The following PATJ variants were observed in gnomAD, a reference collection of about 807,000 sequenced individuals.
The protein encoded by PATJ is PATJ crumbs cell polarity complex component, also known as inaD-like protein.
Under a neutral mutation model 224.9 loss-of-function variants are expected in PATJ, and 190 were observed. The observed-to-expected ratio is 0.84, with a 90% CI of 0.75 to 0.95. The LOEUF (loss-of-function observed/expected upper bound fraction) is 0.95, where lower values mean the gene tolerates loss of function less well. PATJ is among the 40% of genes least tolerant of loss of function. PATJ has a pLI of 0.00. For missense variants in PATJ, 2,121 were observed against 2,270.3 expected (o/e 0.93, Z 1.34); for synonymous variants, 769 against 820.3 (o/e 0.94, Z 1.07).
chr1:62,021,317 C>T (rs545888405), intron 29 of PATJ, among the ~76,000 whole-genome samples: 17 of 152,238 alleles, frequency 1.1e-4, no homozygotes, highest in Admixed American at 2.0e-4. Flanking sequence ...ACTCTCATGA[C>T]GTAAACACCT....
intron 28 of PATJ, among the ~76,000 whole-genome samples, chr1:62,009,944 G>A (rs1263543976): frequency 6.6e-6 from 1 of 151,710 alleles, no homozygotes; most frequent in East Asian, 1.9e-4. Context: ...TTAGCCTAGT[G>A]TGGTGGTGGG....
intron 29 of PATJ, among the ~76,000 whole-genome samples, chr1:62,030,373 A>G (rs1207533680): frequency 6.6e-6 from 1 of 152,196 alleles, no homozygotes; most frequent in Non-Finnish European, 1.5e-5. Context: ...TTAAAGGTTG[A>G]GAAACCAGGG....
At chr1:61,768,313 C>A (rs1021907096) in intron 4 of PATJ, among the ~76,000 whole-genome samples, 5 of 151,524 alleles carry the variant, frequency 3.3e-5, no homozygotes, top group Non-Finnish European at 7.4e-5. Context: ...ACTAAAAATA[C>A]AAAAAAATTA....
chr1:61,959,994 G>A (rs1681040936), intron 27 of PATJ, among the ~76,000 whole-genome samples: 1 of 151,974 alleles, frequency 6.6e-6, no homozygotes, highest in Non-Finnish European at 1.5e-5. Flanking sequence ...CTGCACCCTA[G>A]CATGGACAAC....
intron 7 of PATJ, among the ~76,000 whole-genome samples, chr1:61,777,703 C>CTTTTTTTTTTTTTTTTTTTTTTTTTTTTT (rs66470863): frequency 5.1e-4 from 25 of 48,740 alleles, no homozygotes; most frequent in African/African-American, 1.6e-3. Flanking sequence ...TTCTTTCTTT[C>CTTTTTTTTTTTTTTTTTTTTTTTTTTTTT]TTTTTTTTTT....
intron 41 of PATJ, among the ~76,000 whole-genome samples, chr1:62,138,433 T>C (rs1434545443): frequency 6.6e-6 from 1 of 151,942 alleles, no homozygotes; most frequent in East Asian, 1.9e-4. Context: ...TCAGCCTCCC[T>C]AGTAACTGGG....
intron 31 of PATJ, among the ~76,000 whole-genome samples, chr1:62,052,438 CT>C (rs1197926020): frequency 7.9e-6 from 1 of 126,796 alleles, no homozygotes; most frequent in East Asian, 2.1e-4. Context: ...CAGAGATTGA[CT>C]AAAAAAAAAA....
At chr1:61,923,710 G>C (rs1462832846) in intron 26 of PATJ, among the ~76,000 whole-genome samples, 1 of 151,422 alleles carries the variant, frequency 6.6e-6, no homozygotes, top group Non-Finnish European at 1.5e-5. Flanking sequence ...CTGAGGCCAG[G>C]AGTTTGAGAC....
At chr1:62,130,783 A>G (rs549430577) in intron 41 of PATJ, among the ~76,000 whole-genome samples, 14 of 152,180 alleles carry the variant, frequency 9.2e-5, no homozygotes, top group Middle Eastern at 3.4e-3. Flanking sequence ...CCTGGGAGGC[A>G]GAGCTTGCAG....
intron 12 of PATJ, 50 bp downstream of exon 12, chr1:61,801,819 C>T (rs1481395811): frequency 2.6e-5 from 34 of 1,326,474 alleles, no homozygotes; most frequent in Non-Finnish European, 3.4e-5. Context: ...CATTTGTTAA[C>T]CATTTTCTGT....
chr1:61,949,542 C>T (rs1302424833), intron 27 of PATJ, among the ~76,000 whole-genome samples: 7 of 151,908 alleles, frequency 4.6e-5, no homozygotes, highest in Admixed American at 2.0e-4. Context: ...GAATCACATG[C>T]GTAAGAGAGT....
At chr1:61,810,749 C>A (rs969299697) in intron 14 of PATJ, among the ~76,000 whole-genome samples, 3 of 150,368 alleles carry the variant, frequency 2.0e-5, no homozygotes, top group Middle Eastern at 6.8e-3. Flanking sequence ...TAAATAAACC[C>A]AGTCTGTACT....
intron 28 of PATJ, among the ~76,000 whole-genome samples, chr1:62,007,167 A>G (rs1438646094): frequency 1.3e-5 from 2 of 152,212 alleles, no homozygotes; most frequent in Admixed American, 6.5e-5. Context: ...ATCCAGAGCT[A>G]CTATAATTTG....
intron 30 of PATJ, among the ~76,000 whole-genome samples, chr1:62,043,773 G>A (rs1483759592): frequency 6.6e-6 from 1 of 152,004 alleles, no homozygotes; most frequent in Non-Finnish European, 1.5e-5. Context: ...CTGTTGCCAG[G>A]CTGGAGTGCA....
In PATJ at chr1:62,086,228, A is replaced by ATGTGTGTGTGTGTGTGTGTGTGTG. The variant is rs145837024; in HGVS notation, c.4377+1595_4377+1596insGTGTGTGTGTGTGTGTGTGTGTGT. Among the ~76,000 whole-genome samples the ATGTGTGTGTGTGTGTGTGTGTGTG allele has an allele frequency of 2.2e-3, 336 of 150,328 alleles. No individual in the cohort carries two copies. The highest frequency in any genetic ancestry group is 6.8e-3 in the African/African-American group (274 of 40,310). On this transcript the variant is annotated intron_variant, in intron 33 of 43. Coordinates refer to ENST00000642238, the MANE Select transcript of PATJ (RefSeq NM_001350145.3). The surrounding 1 kb of genome is among the most constrained non-coding windows in gnomAD (Gnocchi z 4.0). Reference sequence around the variant, plus strand: ...TACTCAAGATGTGATTAATTAATGCATGTGTGTGTGTGTGTATGTGTGTGT... The same window carrying ATGTGTGTGTGTGTGTGTGTGTGTG: ...TACTCAAGATGTGATTAATTAATGCATGTGTGTGTGTGTGTGTGTGTGTGTGTGTGTGTGTGTGTATGTGTGTGT...
intron 27 of PATJ, among the ~76,000 whole-genome samples, chr1:61,961,414 A>G (rs1195284357): frequency 6.6e-6 from 1 of 152,194 alleles, no homozygotes; most frequent in Non-Finnish European, 1.5e-5. Context: ...CCCAGGGGCC[A>G]AAATGGATAT....
chr1:61,901,301 C>A lies in PATJ; in HGVS notation c.3223C>A (p.Pro1075Thr). The A allele has an allele frequency of 6.5e-7, 1 of 1,533,546 alleles. No individual in the cohort carries two copies. The highest frequency in any genetic ancestry group is 8.7e-7 in the Non-Finnish European group (1 of 1,151,330). 95.0% of individuals were successfully genotyped at this position (1,533,546 alleles called of 1,614,324 possible). A position where few individuals can be genotyped will look rare whatever the true frequency, so the allele number is the denominator to read the frequency against. ...ATATAGTGTTGAGATTTTTAGAGAA[C>A]CCAATGTGTCTCTTGGGATCAGTAT... ...PPRIVEIFRE[P>T]NVSLGISIVG... Residue 1075 changes from proline (P) to threonine (T), a missense_variant, in exon 24 of 44, where the codon CCC (proline) becomes ACC (threonine). Physicochemically the swap from Pro to Thr is conservative, Grantham distance 38 (BLOSUM62 -1). Coordinates refer to ENST00000642238, the MANE Select transcript of PATJ (RefSeq NM_001350145.3).
chr1:61,997,092 T>TC (rs33999542), intron 28 of PATJ, among the ~76,000 whole-genome samples: 32,357 of 151,992 alleles, frequency 0.21, 3,618 homozygotes, highest in African/African-American at 0.26. Context: ...GATCAAGTGT[T>TC]CGATTGTAGC....
chr1:62,076,856 G>A (rs182199865), intron 31 of PATJ, among the ~76,000 whole-genome samples: 12 of 152,284 alleles, frequency 7.9e-5, no homozygotes, highest in Admixed American at 1.3e-4. Flanking sequence ...GATATAAAAT[G>A]TAAGTTGGAG....
Sources: allele counts gnomAD v4.1 joint callset (sites outside exome capture counted in the v4.1 genomes callset), GRCh38; gene constraint gnomAD v4.1.1; non-coding constraint Gnocchi (gnomAD v3.1); transcripts MANE v1.5; gene names NCBI Gene and HGNC (gene_info 2026-07-23, HGNC 2026-07-21).